PDSS2: variants seen among roughly 807,000 people sequenced by gnomAD.
PDSS2 encodes all trans-polyprenyl-diphosphate synthase PDSS2.
Under a neutral mutation model 44.5 loss-of-function variants are expected in PDSS2, and 31 were observed. The observed-to-expected ratio is 0.70, with a 90% CI of 0.52 to 0.94. The LOEUF is 0.94. PDSS2 is among the 40% of genes least tolerant of loss of function. The pLI is 0.00. For synonymous variants in PDSS2, 157 were observed against 180.3 expected (o/e 0.87, Z 1.03); for missense variants, 452 against 482.2 (o/e 0.94, Z 0.59).
intron 4 of PDSS2, among the ~76,000 whole-genome samples, chr6:107,241,028 C>T (rs977996302): frequency 9.9e-5 from 15 of 151,730 alleles, no homozygotes; most frequent in African/African-American, 3.1e-4. Context: ...GAGGATGGGT[C>T]GCTTGAGGCC....
At chr6:107,292,564 C>A (rs1211452020) in intron 2 of PDSS2, among the ~76,000 whole-genome samples, 1 of 152,214 alleles carries the variant, frequency 6.6e-6, no homozygotes, top group Non-Finnish European at 1.5e-5. Flanking sequence ...ATTTGTATTG[C>A]ATGGTCTCTT....
At position 107,373,512 on chromosome 6, in the gene PDSS2, C is replaced by CTG. The variant is rs1239511501; in HGVS notation, c.297-39182_297-39181dup. On this transcript the variant is annotated intron_variant, in intron 1 of 7. Transcript: ENST00000369037. ...GACTTGTTCTGAATCTAGAGACAGA[C>CTG]TGTAGTCTTATCTTGTTCTCCACTG... 2.0e-5 allele frequency among the ~76,000 whole-genome samples: 3 copies of CTG among 152,196 alleles called. No individual in the cohort carries two copies. The East Asian group carries it at 5.8e-4, about 29-fold the overall frequency.
At chr6:107,316,454 T>C (rs1162612087) in intron 2 of PDSS2, among the ~76,000 whole-genome samples, 3 of 152,200 alleles carry the variant, frequency 2.0e-5, no homozygotes, top group East Asian at 1.9e-4. Context: ...GTTGCTTTTT[T>C]TTTTAAATGT....
At chr6:107,288,646 G>A (rs1450255759) in intron 2 of PDSS2, among the ~76,000 whole-genome samples, 3 of 151,576 alleles carry the variant, frequency 2.0e-5, no homozygotes, top group Non-Finnish European at 4.4e-5. Context: ...TTGGACTTGT[G>A]ACTGAAGAGG....
At chr6:107,167,994 C>T (rs1004183591) in intron 7 of PDSS2, among the ~76,000 whole-genome samples, 10 of 152,008 alleles carry the variant, frequency 6.6e-5, no homozygotes, top group South Asian at 4.1e-4. Flanking sequence ...CTATTAGGTC[C>T]GCTTGGTGCA....
chr6:107,453,505 G>A (rs1456480509), intron 1 of PDSS2, among the ~76,000 whole-genome samples: 1 of 149,190 alleles, frequency 6.7e-6, no homozygotes, highest in Non-Finnish European at 1.5e-5. Flanking sequence ...TTGCACTTTT[G>A]TTAAAAATCA....
At chr6:107,403,439 C>A (rs1318198402) in intron 1 of PDSS2, among the ~76,000 whole-genome samples, 1 of 152,234 alleles carries the variant, frequency 6.6e-6, no homozygotes, top group Admixed American at 6.5e-5. Flanking sequence ...ATGGATCTAC[C>A]ATTCTGGTGT....
At chr6:107,361,432 T>C (rs565352713) in intron 1 of PDSS2, among the ~76,000 whole-genome samples, 24 of 152,206 alleles carry the variant, frequency 1.6e-4, no homozygotes, top group Admixed American at 8.5e-4. Flanking sequence ...TCTGAAATAA[T>C]TGATGCTCTC....
At chr6:107,238,062 G>A (rs1393297306) in intron 4 of PDSS2, among the ~76,000 whole-genome samples, 35 of 150,876 alleles carry the variant, frequency 2.3e-4, no homozygotes, top group Admixed American at 1.9e-3. Context: ...TGCAACTTAA[G>A]TCACTTGCTA....
intron 2 of PDSS2, among the ~76,000 whole-genome samples, chr6:107,280,163 A>G (rs1775913899): frequency 6.6e-6 from 1 of 152,122 alleles, no homozygotes; most frequent in Non-Finnish European, 1.5e-5. Context: ...AGGTTCAAGC[A>G]ATTCTCATGC....
At chr6:107,229,887 G>C (rs562627258) in intron 4 of PDSS2, 33 of 199,924 alleles carry the variant, frequency 1.7e-4, no homozygotes, top group African/African-American at 7.0e-4. Flanking sequence ...CAGAAATTCA[G>C]AGAAAATCTA....
intron 3 of PDSS2, among the ~76,000 whole-genome samples, chr6:107,254,184 C>G (rs1374657832): frequency 6.6e-6 from 1 of 151,638 alleles, no homozygotes; most frequent in Non-Finnish European, 1.5e-5. Context: ...CAGGCGTCCA[C>G]CACCATACCT....
chr6:107,281,448 A>G (rs1311980056), intron 2 of PDSS2, among the ~76,000 whole-genome samples: 1 of 152,178 alleles, frequency 6.6e-6, no homozygotes, highest in Non-Finnish European at 1.5e-5. Flanking sequence ...AGTCAATAAA[A>G]ATTGTGACAA....
intron 7 of PDSS2, among the ~76,000 whole-genome samples, chr6:107,155,127 GC>G (rs1294329402): frequency 6.7e-6 from 1 of 148,804 alleles, no homozygotes; most frequent in Non-Finnish European, 1.5e-5. Flanking sequence ...GAATTCAGCA[GC>G]CTGATATTCT....
rs1230704111 is a variant in PDSS2 at position 107,257,281 on chromosome 6, G to A, written c.631-11662C>T. On this transcript the variant is annotated intron_variant, in intron 3 of 7. Transcript: ENST00000369037. Reference sequence around the variant, plus strand: ...GGGCCAGGCACAGTGGCTCATGCCTGTAATCCCAACACTTTGGGGGCTGAG... The same window carrying A: ...GGGCCAGGCACAGTGGCTCATGCCTATAATCCCAACACTTTGGGGGCTGAG... 5.3e-5 allele frequency among the ~76,000 whole-genome samples: 8 copies of A among 152,096 alleles called. No homozygotes were observed. In the East Asian group the frequency reaches 1.4e-3, roughly 26 times the overall value.
chr6:107,392,018 T>C (rs1779799956), intron 1 of PDSS2, among the ~76,000 whole-genome samples: 1 of 152,130 alleles, frequency 6.6e-6, no homozygotes, highest in African/African-American at 2.4e-5. Context: ...ATTTTAGCCA[T>C]TTTACTAATG....
chr6:107,301,090 A>G (rs764503803), intron 2 of PDSS2, among the ~76,000 whole-genome samples: 3 of 152,220 alleles, frequency 2.0e-5, no homozygotes, highest in Non-Finnish European at 2.9e-5. Context: ...AGTCCACATT[A>G]CAATTAAGTG....
rs544507197 is a variant in PDSS2, at chr6:107,157,617, C to T, written c.1042-2840G>A. Among the ~76,000 whole-genome samples, 62 of 152,148 alleles carry T rather than the reference C, an allele frequency of 4.1e-4. 1 individual carries two copies. In the South Asian group the frequency reaches 0.011, roughly 26 times the overall value. On this transcript the variant is annotated intron_variant, in intron 7 of 7. Transcript: ENST00000369037. ...CCTAAGGAGCTAGTTGCTCCTCTTCCTCTGGGTACCTGGAGTACTCCCTGT... is the reference window on the plus strand; with the variant it reads ...CCTAAGGAGCTAGTTGCTCCTCTTCTTCTGGGTACCTGGAGTACTCCCTGT...
intron 1 of PDSS2, among the ~76,000 whole-genome samples, chr6:107,365,552 C>T (rs1197216887): frequency 6.6e-6 from 1 of 152,008 alleles, no homozygotes; most frequent in Non-Finnish European, 1.5e-5. Context: ...GACAAAACAA[C>T]CCACTTAAAA....
Sources: gnomAD v4.1 joint callset for allele counts (sites outside exome capture counted in the v4.1 genomes callset) on GRCh38, gnomAD v4.1.1 for gene constraint, MANE v1.5 for transcripts, NCBI Gene and HGNC (gene_info 2026-07-23, HGNC 2026-07-21) for gene names.